Variants in PCDHA9 observed in about 807,000 individuals in gnomAD.
PCDHA9 encodes protocadherin alpha-9.
PCDHA9 carries 62 observed loss-of-function variants against 62.0 expected under a neutral mutation model. That is an observed-to-expected ratio of 1.00 (90% confidence interval 0.81 to 1.23). PCDHA9 has a LOEUF of 1.23. Among genes scored for constraint, PCDHA9 ranks in the 50% most tolerant of loss-of-function variants. PCDHA9 has a pLI of 0.00. For missense variants in PCDHA9, 1,205 were observed against 1,249.8 expected (o/e 0.96, Z 0.54); for synonymous variants, 557 against 567.6 (o/e 0.98, Z 0.27).
At chr5:140,980,354 G>A (rs1387213682) in intron 2 of PCDHA9, among the ~76,000 whole-genome samples, 1 of 152,138 alleles carries the variant, frequency 6.6e-6, no homozygotes, top group Non-Finnish European at 1.5e-5. Flanking sequence ...TTCCTGGACT[G>A]GGCGCGGTGG....
intron 1 of PCDHA9, chr5:140,882,248 CTG>C (rs1554173227): frequency 1.3e-6 from 2 of 1,594,792 alleles, no homozygotes; most frequent in Non-Finnish European, 1.7e-6. Context: ...GCAGATAGCT[CTG>C]AGGTTTTTGG....
chr5:140,967,490 C>G (rs1554229615), intron 1 of PCDHA9: 2 of 1,613,210 alleles, frequency 1.2e-6, no homozygotes, highest in East Asian at 2.2e-5. Context: ...GGGTACGGCA[C>G]AGATCTCTGT....
At chr5:140,941,506 G>A (rs556309408) in intron 1 of PCDHA9, among the ~76,000 whole-genome samples, 3 of 151,236 alleles carry the variant, frequency 2.0e-5, no homozygotes, top group Non-Finnish European at 4.4e-5. Flanking sequence ...TAGTAGAGAC[G>A]AGGTTTCACC....
chr5:140,926,890 A>C, intron 1 of PCDHA9: 2 of 1,543,874 alleles, frequency 1.3e-6, no homozygotes, highest in Non-Finnish European at 1.7e-6. Context: ...GCCTAGAGGG[A>C]GGATGGTGGG....
chr5:140,871,420 C>G (rs1193380487), intron 1 of PCDHA9: 1 of 1,613,620 alleles, frequency 6.2e-7, no homozygotes, highest in Non-Finnish European at 8.5e-7. Context: ...GGCCTTCAGC[C>G]CCAGTCTTCC....
chr5:140,982,612 C>T, intron 3 of PCDHA9, 49 bp downstream of exon 3: 2 of 1,599,360 alleles, frequency 1.3e-6, no homozygotes, highest in Non-Finnish European at 1.7e-6. Context: ...GGAAAGTGAT[C>T]AGATGACCTA....
At chr5:140,966,489 C>A in intron 1 of PCDHA9, 2 of 440,146 alleles carry the variant, frequency 4.5e-6, no homozygotes, top group Non-Finnish European at 7.9e-6. Flanking sequence ...TTCCCTCCCC[C>A]TGGAGCTGTA....
chr5:140,872,623 T>C (rs960064096), intron 1 of PCDHA9, among the ~76,000 whole-genome samples: 3 of 152,152 alleles, frequency 2.0e-5, no homozygotes, highest in African/African-American at 4.8e-5. Flanking sequence ...TTGCCTGTTC[T>C]TGATTTTGTT....
chr5:141,009,712 C>T lies in PCDHA9; in HGVS notation c.2628C>T (p.Pro876=). The T allele has an allele frequency of 1.2e-6, 2 of 1,614,156 alleles. No individual in the cohort carries two copies. Among genetic ancestry groups the T allele is most frequent in the African/African-American group, 1.3e-5 (1 of 75,034 alleles). ...CCTTTAAATACGGACCAGGCAACCC[C>T]AAACAATCCGGTCCCGGTGAGTTGC... is the stretch of plus-strand genomic sequence containing the variant. ...SWTFKYGPGN[P]KQSGPGELPD... is the part of the protein sequence containing the mutation. The change falls in exon 4 of 4, where the codon CCC becomes CCT. Residue 876 remains proline (P), a synonymous_variant. Transcript: ENST00000532602.
chr5:140,972,552 T>G (rs1247039171), intron 1 of PCDHA9, among the ~76,000 whole-genome samples: 1 of 152,160 alleles, frequency 6.6e-6, no homozygotes, highest in Admixed American at 6.5e-5. Flanking sequence ...CAGTGAGGAT[T>G]CTGAAGTAAC....
Position 140,853,699 on chromosome 5 carries a change from C to T in PCDHA9, c.2394+2810C>T. 5.1e-6 allele frequency: 5 copies of T among 984,902 alleles called. 1 individual carries two copies. Among genetic ancestry groups the T allele is most frequent in the Non-Finnish European group, 6.1e-6 (5 of 817,068 alleles). The allele number at this position is 984,902 out of a possible 1,614,324, so 61.0% of individuals were successfully genotyped here. On this transcript the variant is annotated intron_variant, in intron 1 of 3. Transcript: ENST00000532602. Reference sequence around the variant, plus strand: ...GTCAACCTATCCTTAGACCTGCTAACGCATTAGCATTAGCAGCACCTAAGT... The same window carrying T: ...GTCAACCTATCCTTAGACCTGCTAATGCATTAGCATTAGCAGCACCTAAGT...
chr5:140,884,819 A>G (rs782729760), intron 1 of PCDHA9: 398 of 1,018,150 alleles, frequency 3.9e-4, no homozygotes, highest in Admixed American at 1.1e-3. Context: ...TGTGGACATT[A>G]TGTGTTGGAT....
In PCDHA9 at chr5:140,981,860, A is replaced by C. The variant is rs377325751; in HGVS notation, c.2454-615A>C. On this transcript the variant is annotated intron_variant, in intron 2 of 3. Coordinates refer to ENST00000532602, the MANE Select transcript of PCDHA9 (RefSeq NM_031857.2). ...TCCCAGTTTGTATCTCACTCCCAGC[A>C]ATGTTTTATGCTGAATTAATCTCTT... Among the ~76,000 whole-genome samples the C allele has an allele frequency of 1.1e-3, 166 of 152,246 alleles. 1 individual carries two copies. The highest frequency in any genetic ancestry group is 3.9e-3 in the African/African-American group (160 of 41,532).
intron 1 of PCDHA9, chr5:140,866,442 T>C (rs2049360062): frequency 6.6e-6 from 1 of 151,872 alleles, no homozygotes; most frequent in Non-Finnish European, 1.5e-5. Flanking sequence ...TCTTCTTCAG[T>C]CTTATTGTTG....
In PCDHA9 at chr5:140,972,940, A is replaced by G. The variant is rs148421479; in HGVS notation, c.2395-6009A>G. The stretch of plus-strand genomic sequence containing the variant: ...GCCTCCCAAAGTGCTGGGATTACAG[A>G]TGTGAGCCACCATGCCCGGCAAAGG... On this transcript the variant is annotated intron_variant, in intron 1 of 3. Coordinates refer to ENST00000532602, the MANE Select transcript of PCDHA9 (RefSeq NM_031857.2). Among the ~76,000 whole-genome samples the G allele has an allele frequency of 9.4e-3, 1,423 of 152,078 alleles. 26 individuals are homozygous for G. The highest frequency in any genetic ancestry group is 0.032 in the African/African-American group (1,334 of 41,472).
intron 1 of PCDHA9, among the ~76,000 whole-genome samples, chr5:140,938,520 A>G (rs1240941217): frequency 6.6e-6 from 1 of 150,896 alleles, no homozygotes; most frequent in African/African-American, 2.4e-5. Context: ...ATTTTCTGTT[A>G]TTGAATGGAT....
chr5:140,873,191 C>T (rs1554166611), intron 1 of PCDHA9, among the ~76,000 whole-genome samples: 1 of 151,960 alleles, frequency 6.6e-6, no homozygotes, highest in African/African-American at 2.4e-5. Context: ...TATTCATTGG[C>T]TAAAAACATT....
In PCDHA9 at chr5:140,850,229, C is replaced by A. The variant is rs2150474580; in HGVS notation, c.1734C>A (p.Ser578Arg). 1.9e-6 allele frequency: 3 copies of A among 1,593,694 alleles called. No individual in the cohort carries two copies. The highest frequency in any genetic ancestry group is 2.7e-5 in the African/African-American group (2 of 74,356). The change falls in exon 1 of 4, where the codon AGC (serine) becomes AGA (arginine). Residue 578 changes from serine (S) to arginine (R), a missense_variant. Ser to Arg is a moderately radical substitution (Grantham distance 110, BLOSUM62 -1). Transcript: ENST00000532602. ...TGAGGGGCACTGACGGCGCAGTGAGCGAGATGGTGCTGCGGTCGGTGGGCG... is the reference window on the plus strand; with the variant it reads ...TGAGGGGCACTGACGGCGCAGTGAGAGAGATGGTGCTGCGGTCGGTGGGCG... ...PRMRGTDGAV[S>R]EMVLRSVGAG...
Position 140,856,120 on chromosome 5 carries a change from G to C in PCDHA9, c.2394+5231G>C, listed in dbSNP as rs782167466. 6 of 1,598,210 alleles carry C rather than the reference G, an allele frequency of 3.8e-6. 1 individual carries two copies. The highest frequency in any genetic ancestry group is 5.1e-6 in the Non-Finnish European group (6 of 1,167,784). On this transcript the variant is annotated intron_variant, in intron 1 of 3. Transcript: ENST00000532602. ...CGCTTCTTCTCCTCGCAGCCTGGGA[G>C]GTGGGGAGCGGCCAGCTCCACTACT...
Sources: gnomAD v4.1 joint callset for allele counts (sites outside exome capture counted in the v4.1 genomes callset) on GRCh38, gnomAD v4.1.1 for gene constraint, MANE v1.5 for transcripts, NCBI Gene and HGNC (gene_info 2026-07-23, HGNC 2026-07-21) for gene names.